The following HUNK variants were observed in gnomAD, a reference collection of about 807,000 sequenced individuals.
HUNK encodes the protein hormonally up-regulated Neu-associated kinase.
A neutral mutation model predicts 61.0 loss-of-function variants in HUNK; 21 were observed. The observed-to-expected ratio is 0.34, with a 90% CI of 0.24 to 0.50. The LOEUF (loss-of-function observed/expected upper bound fraction) is 0.50. HUNK is among the 20% of genes least tolerant of loss of function. The pLI, the probability that HUNK is intolerant of heterozygous loss-of-function variation, is 0.98. For synonymous variants in HUNK, 371 were observed against 386.1 expected, an observed-to-expected ratio of 0.96 and a Z score of 0.46; for missense variants, 772 against 945.7, an observed-to-expected ratio of 0.82 and a Z score of 2.41.
chr21:31,937,394 T>G (rs754459587), intron 2 of HUNK, among the ~76,000 whole-genome samples: 1 of 152,220 alleles, frequency 6.6e-6, no homozygotes, highest in African/African-American at 2.4e-5. Context: ...ATACGGCCTC[T>G]TGATTGTGAG....
intron 8 of HUNK, among the ~76,000 whole-genome samples, chr21:31,984,471 G>A (rs1450766221): frequency 2.0e-5 from 3 of 152,202 alleles, no homozygotes; most frequent in Non-Finnish European, 4.4e-5. Flanking sequence ...AAGAAAGTGA[G>A]ATGAGGAACG....
chr21:31,935,188 T>C (rs57715061), intron 2 of HUNK, among the ~76,000 whole-genome samples: 1,981 of 152,270 alleles, frequency 0.013, 55 homozygotes, highest in African/African-American at 0.045. Context: ...AGTTGTACCA[T>C]TCTTAGTGTG....
chr21:31,886,375 G>T (rs965210818), intron 1 of HUNK, among the ~76,000 whole-genome samples: 1 of 149,162 alleles, frequency 6.7e-6, no homozygotes, highest in Non-Finnish European at 1.5e-5. Flanking sequence ...GCAGCGAGCC[G>T]AGATTGCGCC....
intron 6 of HUNK, among the ~76,000 whole-genome samples, 160 bp downstream of exon 6, chr21:31,968,545 A>G (rs960572839): frequency 1.3e-5 from 2 of 152,132 alleles, no homozygotes; most frequent in Non-Finnish European, 2.9e-5. Context: ...CACATCCACA[A>G]GAGGAAGCGT....
chr21:31,969,258 C>T (rs1489076653), intron 6 of HUNK, among the ~76,000 whole-genome samples: 1 of 152,144 alleles, frequency 6.6e-6, no homozygotes, highest in Non-Finnish European at 1.5e-5. Context: ...AACATGGGAT[C>T]GCCCCTCCCT....
At chr21:31,983,670 T>C (rs1220426860) in intron 8 of HUNK, 61 bp downstream of exon 8, 45 of 1,242,648 alleles carry the variant, frequency 3.6e-5, no homozygotes, top group Non-Finnish European at 5.0e-5. Context: ...CCATTTGCAG[T>C]AATTGGAAAA....
intron 5 of HUNK, among the ~76,000 whole-genome samples, chr21:31,961,977 C>T (rs146730410): frequency 2.4e-4 from 37 of 152,354 alleles, no homozygotes; most frequent in Non-Finnish European, 4.7e-4. Flanking sequence ...AGTCATGCTA[C>T]ATCTCAGTTG....
intron 1 of HUNK, among the ~76,000 whole-genome samples, chr21:31,881,392 C>T (rs9981027): frequency 0.11 from 17,352 of 152,016 alleles, 1,241 homozygotes; most frequent in East Asian, 0.37. Flanking sequence ...TTTGGGAGGC[C>T]GAGGGAGGCA....
chr21:31,896,171 G>A (rs979878844), intron 1 of HUNK, among the ~76,000 whole-genome samples: 1 of 152,186 alleles, frequency 6.6e-6, no homozygotes, highest in Admixed American at 6.5e-5. Flanking sequence ...CTCCAGAACT[G>A]TGAGAAAATA....
chr21:31,942,729 G>A (rs759823301), intron 3 of HUNK, among the ~76,000 whole-genome samples: 2 of 152,112 alleles, frequency 1.3e-5, no homozygotes, highest in Non-Finnish European at 2.9e-5. Context: ...GGACAAAATC[G>A]GCTCCTTCAG....
intron 7 of HUNK, among the ~76,000 whole-genome samples, chr21:31,982,757 C>T (rs562972390): frequency 6.7e-6 from 1 of 149,840 alleles, no homozygotes; most frequent in South Asian, 2.1e-4. Flanking sequence ...GCAGTGTGTA[C>T]ATGTGTGTTT....
intron 9 of HUNK, among the ~76,000 whole-genome samples, chr21:31,995,268 AG>A (rs1407988496): frequency 6.6e-6 from 1 of 152,004 alleles, no homozygotes; most frequent in African/African-American, 2.4e-5. Flanking sequence ...GAAGCCCATC[AG>A]GACCGCTCAG....
At chr21:31,918,209 A>G (rs981930320) in intron 1 of HUNK, among the ~76,000 whole-genome samples, 4 of 149,968 alleles carry the variant, frequency 2.7e-5, no homozygotes, top group Non-Finnish European at 5.9e-5. Context: ...AGTATTATCA[A>G]CTTGTAAGTA....
chr21:31,931,026 T>A (rs2052692748), intron 2 of HUNK, among the ~76,000 whole-genome samples: 1 of 127,922 alleles, frequency 7.8e-6, no homozygotes, highest in Admixed American at 8.8e-5. Context: ...AATTTGCACA[T>A]CATTTGCTTT....
chr21:31,977,289 G>A (rs1420942970), intron 7 of HUNK, among the ~76,000 whole-genome samples: 2 of 152,196 alleles, frequency 1.3e-5, no homozygotes, highest in Non-Finnish European at 2.9e-5. Flanking sequence ...TATAGAGGAT[G>A]AAAGTTAAGA....
chr21:31,959,120 G>A, intron 5 of HUNK, 150 bp downstream of exon 5: 1 of 774,946 alleles, frequency 1.3e-6, no homozygotes, highest in Non-Finnish European at 1.8e-6. Context: ...GAAGTGTCAA[G>A]GGGTGGTTGG....
chr21:31,976,270 TC>T (rs1480593570), intron 7 of HUNK, among the ~76,000 whole-genome samples: 1 of 152,032 alleles, frequency 6.6e-6, no homozygotes, highest in Non-Finnish European at 1.5e-5. Context: ...AGATGTCAAA[TC>T]CAGAAAGACA....
chr21:31,912,272 C>CGAG lies in HUNK; in HGVS notation c.262-12194_262-12192dup, dbSNP rs1456566557. On this transcript the variant is annotated intron_variant, in intron 1 of 10. Transcript: ENST00000270112. Reference sequence around the variant, plus strand: ...CAGGTTCAGTCATTTTTGAAATGACCGAGGGTTTGGTGCCTGGAAGGGGGT... The same window carrying CGAG: ...CAGGTTCAGTCATTTTTGAAATGACCGAGGAGGGTTTGGTGCCTGGAAGGGGGT... 1.4e-4 allele frequency among the ~76,000 whole-genome samples: 21 copies of CGAG among 152,080 alleles called. 1 individual carries two copies. Among genetic ancestry groups the CGAG allele is most frequent in the African/African-American group, 4.8e-4 (20 of 41,498 alleles).
At chr21:31,988,059 G>T (rs1170426461) in intron 8 of HUNK, among the ~76,000 whole-genome samples, 5 of 152,206 alleles carry the variant, frequency 3.3e-5, no homozygotes, top group African/African-American at 1.2e-4. Flanking sequence ...GCTGAATTAA[G>T]TTGCAAAAAC....
Sources: gnomAD v4.1 joint callset for allele counts (sites outside exome capture counted in the v4.1 genomes callset) on GRCh38, gnomAD v4.1.1 for gene constraint, MANE v1.5 for transcripts, NCBI Gene and HGNC (gene_info 2026-07-23, HGNC 2026-07-21) for gene names.